The following IL1RAP variants were observed in gnomAD, a reference collection of about 807,000 sequenced individuals.
The protein encoded by IL1RAP is interleukin-1 receptor accessory protein.
A neutral mutation model predicts 60.7 loss-of-function variants in IL1RAP; 35 were observed. The ratio of observed to expected loss-of-function variants is 0.58; its 90% CI spans 0.44 to 0.76. The LOEUF (loss-of-function observed/expected upper bound fraction) is 0.76, where lower values mean the gene tolerates loss of function less well. IL1RAP is among the 30% of genes least tolerant of loss of function. IL1RAP has a pLI of 0.00. For synonymous variants in IL1RAP, 268 were observed against 250.9 expected (o/e 1.07, Z -0.64); for missense variants, 572 against 693.9 (o/e 0.82, Z 1.97).
chr3:190,584,010 A>G (rs1728229797), intron 3 of IL1RAP, among the ~76,000 whole-genome samples: 1 of 152,188 alleles, frequency 6.6e-6, no homozygotes, highest in African/African-American at 2.4e-5. Context: ...AGAAAGTCCC[A>G]TTATCCTCCC....
In IL1RAP at chr3:190,650,990, G is replaced by A; in HGVS notation, c.*2285G>A. 1.0e-6 allele frequency: 1 copy of A among 985,076 alleles called. No individual in the cohort carries two copies. The highest frequency in any genetic ancestry group is 1.2e-6 in the Non-Finnish European group (1 of 829,808). The allele number at this position is 985,076 out of a possible 1,614,324, so 61.0% of individuals were successfully genotyped here. On this transcript the variant is annotated 3_prime_UTR_variant, in exon 12 of 12. Coordinates refer to ENST00000447382, the MANE Select transcript of IL1RAP (RefSeq NM_002182.4). ...TTTTCTATTTATATGCCTGCCTTTG[G>A]TACTTAATTTTACAAATGCTGTAAT...
At chr3:190,533,979 T>G (rs1157207777) in intron 1 of IL1RAP, among the ~76,000 whole-genome samples, 1 of 152,144 alleles carries the variant, frequency 6.6e-6, no homozygotes, top group Non-Finnish European at 1.5e-5. Flanking sequence ...ATTTTTTCTT[T>G]TCTTTTAATT....
At chr3:190,534,796 C>A (rs745384363) in intron 1 of IL1RAP, among the ~76,000 whole-genome samples, 16 of 151,984 alleles carry the variant, frequency 1.1e-4, no homozygotes, top group African/African-American at 1.2e-4. Context: ...ATGAAAGTCA[C>A]CTCTCCTCCC....
chr3:190,656,384 T>A, downstream of IL1RAP: 1 of 1,537,194 alleles, frequency 6.5e-7, no homozygotes, highest in Non-Finnish European at 8.7e-7. Flanking sequence ...CGCTGTTGTG[T>A]CACCTACTGT....
At chr3:190,554,214 T>G (rs1725190691) in intron 1 of IL1RAP, among the ~76,000 whole-genome samples, 1 of 151,930 alleles carries the variant, frequency 6.6e-6, no homozygotes, top group African/African-American at 2.4e-5. Flanking sequence ...CCAGGAAAGA[T>G]TAGGCTCACA....
downstream of IL1RAP, among the ~76,000 whole-genome samples, chr3:190,653,486 A>G (rs1016902024): frequency 1.3e-5 from 2 of 152,118 alleles, no homozygotes; most frequent in African/African-American, 4.8e-5. Context: ...CCTTTTTTCT[A>G]TACTTCAAGT....
At chr3:190,540,741 A>G (rs1380988183) in intron 1 of IL1RAP, among the ~76,000 whole-genome samples, 3 of 152,092 alleles carry the variant, frequency 2.0e-5, no homozygotes, top group African/African-American at 4.8e-5. Flanking sequence ...AATTCTCTCT[A>G]TAAAAGTAAG....
intron 1 of IL1RAP, among the ~76,000 whole-genome samples, chr3:190,515,829 AAC>A (rs1560129636): frequency 6.6e-6 from 1 of 151,894 alleles, no homozygotes; most frequent in African/African-American, 2.4e-5. Flanking sequence ...TCAGAAAACA[AAC>A]AAAATTCTCA....
chr3:190,634,974 C>T (rs1173511006), intron 9 of IL1RAP, among the ~76,000 whole-genome samples: 2 of 152,162 alleles, frequency 1.3e-5, no homozygotes, highest in Non-Finnish European at 2.9e-5. Context: ...CTAGGCCTCC[C>T]AAAGTGCTGG....
chr3:190,654,190 T>TCACACACA (rs57074064), downstream of IL1RAP, among the ~76,000 whole-genome samples: 28,465 of 140,230 alleles, frequency 0.2, 3,100 homozygotes, highest in East Asian at 0.34. Flanking sequence ...AAACATCATA[T>TCACACACA]CACACACACA....
chr3:190,567,638 G>C (rs1334270779), intron 3 of IL1RAP, among the ~76,000 whole-genome samples: 3 of 152,088 alleles, frequency 2.0e-5, no homozygotes, highest in Non-Finnish European at 4.4e-5. Context: ...TAAGAAAAAA[G>C]ATTAAGATCT....
chr3:190,558,153 TTG>T (rs766450542), intron 2 of IL1RAP, among the ~76,000 whole-genome samples: 12 of 152,232 alleles, frequency 7.9e-5, no homozygotes, highest in Non-Finnish European at 1.6e-4. Context: ...TTCTATTTTT[TTG>T]GATGCCACAG....
chr3:190,555,662 G>A (rs1725350451), intron 1 of IL1RAP, among the ~76,000 whole-genome samples: 1 of 152,090 alleles, frequency 6.6e-6, no homozygotes, highest in African/African-American at 2.4e-5. Flanking sequence ...TTTGTCTAAT[G>A]TTTTTTCATT....
At chr3:190,623,057 A>G (rs1176324889) in intron 6 of IL1RAP, among the ~76,000 whole-genome samples, 1 of 152,210 alleles carries the variant, frequency 6.6e-6, no homozygotes, top group Non-Finnish European at 1.5e-5. Context: ...AACAATATTA[A>G]AACAATAGAT....
intron 1 of IL1RAP, among the ~76,000 whole-genome samples, chr3:190,541,450 A>G (rs1202899946): frequency 6.6e-6 from 1 of 152,156 alleles, no homozygotes; most frequent in African/African-American, 2.4e-5. Flanking sequence ...TTAATCTGAC[A>G]GAAGATAGGT....
At position 190,543,764 on chromosome 3, in the gene IL1RAP, C is replaced by T. The variant is rs539571253; in HGVS notation, c.-88-12366C>T. ...GCTTGATATGTGAGAAGTAGTGGTACAGCAAAGGGTTGGAAAGAGAGCTTG... is the reference window on the plus strand; with the variant it reads ...GCTTGATATGTGAGAAGTAGTGGTATAGCAAAGGGTTGGAAAGAGAGCTTG... On this transcript the variant is annotated intron_variant, in intron 1 of 11. Transcript: ENST00000447382. Among the ~76,000 whole-genome samples, 5 of 152,218 alleles carry T rather than the reference C, an allele frequency of 3.3e-5. No homozygotes were observed. In the South Asian group the frequency reaches 1.0e-3, roughly 32 times the overall value.
intron 3 of IL1RAP, 162 bp downstream of exon 3, chr3:190,564,515 T>C: frequency 1.6e-6 from 1 of 638,312 alleles, no homozygotes; most frequent in South Asian, 1.8e-5. Context: ...ATTTTGATGA[T>C]GGAAAGAACC....
rs141597850 is a variant in IL1RAP at position 190,555,619 on chromosome 3, C to T, written c.-88-511C>T. 2.6e-5 allele frequency among the ~76,000 whole-genome samples: 4 copies of T among 152,286 alleles called. No homozygotes were observed. In the East Asian group the frequency reaches 7.7e-4, roughly 29 times the overall value. ...TACCTTGATACTTTTGAAATTTACA[C>T]AGCAGTTGTTTTGTAGAATGTTCCC... On this transcript the variant is annotated intron_variant, in intron 1 of 11. Transcript: ENST00000447382.
At position 190,648,419 on chromosome 3, in the gene IL1RAP, G is replaced by A. The variant is rs1734189028; in HGVS notation, c.1427G>A (p.Gly476Glu). ...CTAAGCCCCAACTACGTGCTCCAGG[G>A]AACCCAAGCCCTCCTGGAGCTCAAG... is the stretch of plus-strand genomic sequence containing the variant. Reference protein sequence around the residue: ...VVLSPNYVLQGTQALLELKAG... With the variant: ...VVLSPNYVLQETQALLELKAG... Residue 476 changes from glycine to glutamate, a missense_variant, in exon 12 of 12, where the codon GGA (glycine) becomes GAA (glutamate). Transcript: ENST00000447382. 6.2e-7 allele frequency: 1 copy of A among 1,614,016 alleles called. No individual in the cohort carries two copies. The highest frequency in any genetic ancestry group is 8.5e-7 in the Non-Finnish European group (1 of 1,179,992).
Sources: allele counts gnomAD v4.1 joint callset (sites outside exome capture counted in the v4.1 genomes callset), GRCh38; gene constraint gnomAD v4.1.1; transcripts MANE v1.5; gene names NCBI Gene and HGNC (gene_info 2026-07-23, HGNC 2026-07-21).